IPO5: variants seen among roughly 807,000 people sequenced by gnomAD.
IPO5 encodes the protein importin-5.
Under a neutral mutation model 143.3 loss-of-function variants are expected in IPO5, and 18 were observed. That is an observed-to-expected ratio of 0.13 (90% CI 0.09 to 0.19). The LOEUF (loss-of-function observed/expected upper bound fraction) is 0.19. IPO5 is among the 10% of genes least tolerant of loss of function. IPO5 has a pLI of 1.00. For synonymous variants in IPO5, 477 were observed against 465.7 expected, an observed-to-expected ratio of 1.02 and a Z score of -0.31; for missense variants, 1,013 against 1,336.9, an observed-to-expected ratio of 0.76 and a Z score of 3.78.
At chr13:98,009,478 A>G (rs144617122) in intron 18 of IPO5, among the ~76,000 whole-genome samples, 3 of 152,334 alleles carry the variant, frequency 2.0e-5, no homozygotes, top group African/African-American at 2.4e-5. Flanking sequence ...GTGGCAGGCA[A>G]TAGGGATACA....
chr13:98,012,801 ATTTTTTTTTTTTTTT>A (rs59658983), intron 21 of IPO5, among the ~76,000 whole-genome samples: 1 of 109,180 alleles, frequency 9.2e-6, no homozygotes, highest in Admixed American at 9.9e-5. Context: ...GCTAGATTTG[ATTTTTTTTTTTTTTT>A]TTTTTTTTTT....
At position 98,012,314 on chromosome 13, in the gene IPO5, C is replaced by T. The variant is rs1426956529; in HGVS notation, c.2124C>T (p.Val708=). The T allele has an allele frequency of 1.9e-6, 3 of 1,608,758 alleles. No homozygotes were observed. The Admixed American group carries it at 5.0e-5, about 27-fold the overall frequency. The change falls in exon 21 of 29, where the codon GTC becomes GTT. Residue 708 remains valine (V), a synonymous_variant. Transcript: ENST00000651721. The stretch of plus-strand genomic sequence containing the variant: ...CCGAACAGGTTGTCAAACTGATGGT[C>T]CCTTTACTGAAATTTTATTTCCACG... ...EYTEQVVKLM[V]PLLKFYFHDG... is the part of the protein sequence containing the mutation.
intron 2 of IPO5, among the ~76,000 whole-genome samples, chr13:97,959,635 G>C (rs1884713057): frequency 1.3e-5 from 2 of 152,050 alleles, no homozygotes; most frequent in Non-Finnish European, 2.9e-5. Flanking sequence ...TTAGGAGGCT[G>C]AGCCAGGAGA....
intron 4 of IPO5, chr13:97,977,010 C>A: frequency 4.8e-6 from 1 of 207,870 alleles, no homozygotes; most frequent in Non-Finnish European, 1.0e-5. Flanking sequence ...TACCTCCCCG[C>A]CGCCGCTCGC....
At chr13:97,976,081 T>G in intron 3 of IPO5, 3 of 465,782 alleles carry the variant, frequency 6.4e-6, no homozygotes, top group Non-Finnish European at 8.4e-6. Flanking sequence ...ACCAAAGGGG[T>G]GGGGCCTGCT....
chr13:98,010,869 C>T (rs1889658691), intron 20 of IPO5, among the ~76,000 whole-genome samples: 1 of 142,682 alleles, frequency 7.0e-6, no homozygotes, highest in Non-Finnish European at 1.5e-5. Flanking sequence ...CAACCTCCAC[C>T]TCTGGCGTTC....
intron 25 of IPO5, among the ~76,000 whole-genome samples, chr13:98,017,064 A>G (rs1424254608): frequency 6.6e-6 from 1 of 152,146 alleles, no homozygotes; most frequent in African/African-American, 2.4e-5. Context: ...CCATAGGCCA[A>G]TTCAGTTCTA....
Position 97,990,412 on chromosome 13 carries a change from AT to A in IPO5, c.565-15del. On this transcript the variant is annotated intron_variant, in intron 8 of 28. Transcript: ENST00000651721. Reference sequence around the variant, plus strand: ...TTATCAAAAATTTCTCATGTTTGACATTTTTTCCTCTTGATTTTAGATCAGG... The same window carrying A: ...TTATCAAAAATTTCTCATGTTTGACATTTTTCCTCTTGATTTTAGATCAGG... 3 of 1,540,676 alleles carry A rather than the reference AT, an allele frequency of 1.9e-6. No homozygotes were observed. Among genetic ancestry groups the A allele is most frequent in the Middle Eastern group, 1.7e-4 (1 of 5,902 alleles).
At position 98,023,419 on chromosome 13, in the gene IPO5, C is replaced by G. The variant is rs1220067775; in HGVS notation, c.*1597C>G. 6.6e-6 allele frequency: 1 copy of G among 152,130 alleles called. No individual in the cohort carries two copies. The highest frequency in any genetic ancestry group is 1.5e-5 in the Non-Finnish European group (1 of 68,020). 9.4% of individuals were successfully genotyped at this position (152,130 alleles called of 1,614,324 possible). A position where few individuals can be genotyped will look rare whatever the true frequency, so the allele number is the denominator to read the frequency against. On this transcript the variant is annotated 3_prime_UTR_variant, in exon 29 of 29. Transcript: ENST00000651721. ...GCTTTCTTATGTAGCATCTGCAAAGCCGATTCATGTACTGATGCCAATCAG... is the reference window on the plus strand; with the variant it reads ...GCTTTCTTATGTAGCATCTGCAAAGGCGATTCATGTACTGATGCCAATCAG...
At chr13:97,990,577 T>C (rs762598713) in intron 9 of IPO5, 40 bp downstream of exon 9, 5 of 1,211,050 alleles carry the variant, frequency 4.1e-6, no homozygotes, top group South Asian at 2.7e-5. Context: ...TTATATCTTA[T>C]TTGGTTCTTT....
At chr13:98,008,514 G>A (rs1199522854) in intron 18 of IPO5, among the ~76,000 whole-genome samples, 1 of 152,016 alleles carries the variant, frequency 6.6e-6, no homozygotes, top group Non-Finnish European at 1.5e-5. Flanking sequence ...TCTCCATTTG[G>A]GTGTCTCCTA....
intron 4 of IPO5, among the ~76,000 whole-genome samples, chr13:97,979,452 A>T (rs567905482): frequency 6.6e-6 from 1 of 152,284 alleles, no homozygotes; most frequent in African/African-American, 2.4e-5. Flanking sequence ...CTTTAACTTT[A>T]TAGAAAATGT....
intron 3 of IPO5, among the ~76,000 whole-genome samples, chr13:97,970,616 G>C (rs1009681448): frequency 2.6e-5 from 4 of 151,734 alleles, no homozygotes; most frequent in African/African-American, 9.7e-5. Context: ...GTGGGACTCC[G>C]TCGCAAAAAA....
intron 8 of IPO5, 73 bp from the exon 9 acceptor site, chr13:97,990,360 C>A: frequency 1.6e-6 from 2 of 1,258,578 alleles, no homozygotes; most frequent in Non-Finnish European, 2.3e-6. Context: ...ATAATTTGAT[C>A]TTGAGTAAGA....
chr13:97,968,719 C>T (rs192536041), intron 2 of IPO5, among the ~76,000 whole-genome samples: 26 of 152,142 alleles, frequency 1.7e-4, no homozygotes, highest in African/African-American at 6.3e-4. Flanking sequence ...GAGATGGAGT[C>T]TTGCTCCGTC....
intron 13 of IPO5, 169 bp downstream of exon 13, chr13:98,000,814 C>CA: frequency 1.7e-6 from 1 of 586,240 alleles, no homozygotes; most frequent in East Asian, 2.8e-5. Context: ...AGAAAATGTA[C>CA]AGATTTACTT....
chr13:97,997,131 A>G (rs895169547), intron 11 of IPO5, among the ~76,000 whole-genome samples: 5 of 152,242 alleles, frequency 3.3e-5, no homozygotes, highest in Admixed American at 3.3e-4. Flanking sequence ...CGAGGTACAT[A>G]TATTATGAAA....
At chr13:97,991,714 A>G (rs1200789213) in intron 9 of IPO5, among the ~76,000 whole-genome samples, 2 of 152,206 alleles carry the variant, frequency 1.3e-5, no homozygotes, top group East Asian at 1.9e-4. Context: ...TCCATTCTTG[A>G]TTGATACAGT....
chr13:98,006,380 T>G, intron 17 of IPO5, 32 bp downstream of exon 17: 4 of 1,048,702 alleles, frequency 3.8e-6, no homozygotes, highest in Non-Finnish European at 5.1e-6. Flanking sequence ...TTTTTTTTTT[T>G]TTTTTTTTTT....
Sources: allele counts gnomAD v4.1 joint callset (sites outside exome capture counted in the v4.1 genomes callset), GRCh38; gene constraint gnomAD v4.1.1; transcripts MANE v1.5; gene names NCBI Gene and HGNC (gene_info 2026-07-23, HGNC 2026-07-21).